HHAT: variants seen among roughly 807,000 people sequenced by gnomAD.
The protein encoded by HHAT is protein-cysteine N-palmitoyltransferase HHAT.
HHAT carries 47 observed loss-of-function variants against 70.8 expected under a neutral mutation model. That is an observed-to-expected ratio of 0.66 (90% CI 0.53 to 0.85). HHAT has a LOEUF of 0.85. Among genes scored for constraint, HHAT ranks in the 40% least tolerant of loss-of-function variants. The pLI, the probability that HHAT is intolerant of heterozygous loss-of-function variation, is 0.00. For missense variants in HHAT, 609 were observed against 604.8 expected, an observed-to-expected ratio of 1.01 and a Z score of -0.07; for synonymous variants, 228 against 247.6, an observed-to-expected ratio of 0.92 and a Z score of 0.74.
chr1:210,593,460 T>A (rs1662213310), intron 10 of HHAT, among the ~76,000 whole-genome samples: 1 of 152,154 alleles, frequency 6.6e-6, no homozygotes, highest in Non-Finnish European at 1.5e-5. Flanking sequence ...ATTGGTTAAT[T>A]TCCCTGTGTT....
At chr1:210,432,707 C>T (rs984080401) in intron 7 of HHAT, among the ~76,000 whole-genome samples, 5 of 151,852 alleles carry the variant, frequency 3.3e-5, no homozygotes, top group African/African-American at 1.2e-4. Flanking sequence ...CCAGGCTGCT[C>T]CTCAGGGTCT....
Position 210,387,485 on chromosome 1 carries a change from G to A in HHAT, c.177G>A (p.Glu59=), listed in dbSNP as rs775263658. 1.9e-6 allele frequency: 3 copies of A among 1,614,110 alleles called. No homozygotes were observed. Among genetic ancestry groups the A allele is most frequent in the South Asian group, 1.1e-5 (1 of 91,080 alleles). ...GGLKKDATDF[E]WSFWMEWGKQ... ...CTATTTAGGATGCGACCGACTTTGA[G>A]TGGAGCTTCTGGATGGAATGGGGGA... The change falls in exon 4 of 12, where the codon GAG becomes GAA. Residue 59 remains glutamate (E), a synonymous_variant. Coordinates refer to ENST00000261458, the MANE Select transcript of HHAT (RefSeq NM_018194.6).
At chr1:210,372,264 G>A (rs1358411333) in intron 3 of HHAT, among the ~76,000 whole-genome samples, 4 of 152,092 alleles carry the variant, frequency 2.6e-5, no homozygotes, top group African/African-American at 4.8e-5. Context: ...TGCTGGGAGA[G>A]TTTCTAGCCT....
chr1:210,393,336 C>T (rs2091575038), intron 4 of HHAT, among the ~76,000 whole-genome samples: 1 of 152,216 alleles, frequency 6.6e-6, no homozygotes. Flanking sequence ...TAGGCCATGT[C>T]TAGCATCCAT....
chr1:210,354,966 A>G (rs1375774484), intron 2 of HHAT, among the ~76,000 whole-genome samples: 1 of 152,054 alleles, frequency 6.6e-6, no homozygotes. Flanking sequence ...CCAATAATAT[A>G]TTTTTTCTTT....
intron 6 of HHAT, among the ~76,000 whole-genome samples, chr1:210,416,456 C>T (rs569686828): frequency 6.6e-6 from 1 of 152,210 alleles, no homozygotes; most frequent in African/African-American, 2.4e-5. Context: ...TTACTGTTCT[C>T]TCTAGTTTTT....
chr1:210,524,602 T>C lies in HHAT; in HGVS notation c.1043+11414T>C, dbSNP rs148994626. 4.1e-3 allele frequency among the ~76,000 whole-genome samples: 627 copies of C among 152,314 alleles called. 6 individuals are homozygous for C. Among genetic ancestry groups the C allele is most frequent in the African/African-American group, 0.011 (471 of 41,566 alleles). On this transcript the variant is annotated intron_variant, in intron 9 of 11. Coordinates refer to ENST00000261458, the MANE Select transcript of HHAT (RefSeq NM_018194.6). ...AGCCAGACTGTGATGAAGATTGGGC[T>C]CCATTTTGAATGTGATAGGAGCACT...
At chr1:210,655,533 AC>A (rs1298898455) in intron 11 of HHAT, among the ~76,000 whole-genome samples, 2 of 152,112 alleles carry the variant, frequency 1.3e-5, no homozygotes, top group Admixed American at 1.3e-4. Flanking sequence ...TGCAGAGGAT[AC>A]CCATCCCAGC....
intron 10 of HHAT, among the ~76,000 whole-genome samples, chr1:210,596,031 G>A (rs1269373013): frequency 1.3e-5 from 2 of 152,190 alleles, no homozygotes; most frequent in Non-Finnish European, 2.9e-5. Flanking sequence ...TTTTAGACAT[G>A]AAGTCCTTGC....
chr1:210,366,928 C>T (rs1571915434), intron 3 of HHAT, among the ~76,000 whole-genome samples: 2 of 152,304 alleles, frequency 1.3e-5, no homozygotes, highest in East Asian at 3.9e-4. Flanking sequence ...TAGTTCCTGA[C>T]ACTTCCCTGC....
chr1:210,493,901 A>ATCAG (rs1295590371), intron 8 of HHAT, among the ~76,000 whole-genome samples: 4 of 152,334 alleles, frequency 2.6e-5, no homozygotes, highest in African/African-American at 9.6e-5. Flanking sequence ...GGTTGTTATC[A>ATCAG]TCAGACATGT....
At chr1:210,508,179 A>G (rs1157410550) in intron 8 of HHAT, among the ~76,000 whole-genome samples, 1 of 130,240 alleles carries the variant, frequency 7.7e-6, no homozygotes, top group Non-Finnish European at 1.6e-5. Context: ...AGCCTGGGTG[A>G]CAGAGTGAGA....
chr1:210,543,851 G>A (rs2069153), intron 9 of HHAT, among the ~76,000 whole-genome samples: 43,748 of 151,928 alleles, frequency 0.29, 6,399 homozygotes, highest in Middle Eastern at 0.35. Flanking sequence ...TGCCCATAGG[G>A]ATAAATTCAT....
intron 9 of HHAT, among the ~76,000 whole-genome samples, chr1:210,539,683 G>T (rs547675008): frequency 1.7e-4 from 26 of 152,318 alleles, no homozygotes; most frequent in African/African-American, 6.3e-4. Flanking sequence ...AACTGATATT[G>T]CAGAGGGCCA....
rs1260910879 is a variant in HHAT, at chr1:210,367,094, A to G, written c.159+4175A>G. Among the ~76,000 whole-genome samples the G allele has an allele frequency of 2.0e-5, 3 of 152,370 alleles. No individual in the cohort carries two copies. In the East Asian group the frequency reaches 5.8e-4, roughly 29 times the overall value. ...ACAGGCTGACCGCAAACAAATGAAC[A>G]ATGGCCACAGATTGAGCTAAATGAC... On this transcript the variant is annotated intron_variant, in intron 3 of 11. Transcript: ENST00000261458.
intron 3 of HHAT, among the ~76,000 whole-genome samples, chr1:210,385,256 T>TC (rs1234958083): frequency 3.7e-5 from 5 of 134,630 alleles, no homozygotes; most frequent in East Asian, 2.1e-4. Flanking sequence ...GTTTTTCTTT[T>TC]TTTTTTTTTT....
intron 11 of HHAT, among the ~76,000 whole-genome samples, chr1:210,644,785 G>A (rs1191906844): frequency 2.0e-5 from 3 of 151,916 alleles, no homozygotes; most frequent in East Asian, 1.9e-4. Flanking sequence ...ATTTTAATTC[G>A]GTCTTTTCTA....
intron 9 of HHAT, among the ~76,000 whole-genome samples, chr1:210,531,490 G>A (rs947070172): frequency 2.0e-5 from 3 of 152,196 alleles, no homozygotes; most frequent in African/African-American, 7.2e-5. Context: ...CTGCAGAGAG[G>A]TGGAATAGCT....
chr1:210,654,157 G>T (rs1242123624), intron 11 of HHAT, among the ~76,000 whole-genome samples: 1 of 150,622 alleles, frequency 6.6e-6, no homozygotes, highest in Non-Finnish European at 1.5e-5. Flanking sequence ...TGTGACAGTG[G>T]AATAGTGTGA....
Sources: allele counts gnomAD v4.1 joint callset (sites outside exome capture counted in the v4.1 genomes callset), GRCh38; gene constraint gnomAD v4.1.1; transcripts MANE v1.5; gene names NCBI Gene and HGNC (gene_info 2026-07-23, HGNC 2026-07-21).